Variants in ZNF263 observed in about 807,000 individuals in gnomAD.
The protein encoded by ZNF263 is zinc finger protein 263.
A neutral mutation model predicts 63.1 loss-of-function variants in ZNF263; 49 were observed. The observed-to-expected ratio is 0.78, with a 90% CI of 0.62 to 0.99. The LOEUF (loss-of-function observed/expected upper bound fraction) is 0.99. Ranked by LOEUF, ZNF263 falls within the 50% of genes least tolerant of loss-of-function variation. ZNF263 has a pLI of 0.00. For synonymous variants in ZNF263, 352 were observed against 324.2 expected, an observed-to-expected ratio of 1.09 and a Z score of -0.92; for missense variants, 872 against 854.8, an observed-to-expected ratio of 1.02 and a Z score of -0.25.
At chr16:3,300,298 G>A (rs780312624) in intron 2 of ZNF263, 5 of 1,614,192 alleles carry the variant, frequency 3.1e-6, no homozygotes, top group Non-Finnish European at 4.2e-6. Context: ...TCTCTCTGCA[G>A]CAGCCTGAAG....
chr16:3,297,768 A>G, intron 1 of ZNF263, among the ~76,000 whole-genome samples: 1 of 152,084 alleles, frequency 6.6e-6, no homozygotes, highest in East Asian at 1.9e-4. Context: ...CCGGCCAGAA[A>G]CAGATTCTTG....
chr16:3,290,794 G>C lies in ZNF263; in HGVS notation c.*236G>C. On this transcript the variant is annotated 3_prime_UTR_variant, in exon 6 of 6. Coordinates refer to ENST00000219069, the MANE Select transcript of ZNF263 (RefSeq NM_005741.5). ...AGGTGACCTCAGGGTGGAATTCTCT[G>C]TTAAGTCCACCCTGCCCCAGGGTGC... 7.6e-7 allele frequency: 1 copy of C among 1,317,918 alleles called. No individual in the cohort carries two copies. Among genetic ancestry groups the C allele is most frequent in the South Asian group, 2.0e-5 (1 of 50,242 alleles). 81.6% of individuals were successfully genotyped at this position (1,317,918 alleles called of 1,614,324 possible).
chr16:3,288,397 C>T (rs1959461612), intron 4 of ZNF263, 57 bp from the exon 5 acceptor site: 1 of 1,312,004 alleles, frequency 7.6e-7, no homozygotes. Context: ...AGACTGTTTC[C>T]CTACCCTGGT....
At chr16:3,297,167 C>T (rs1237235288) in intron 1 of ZNF263, among the ~76,000 whole-genome samples, 2 of 151,644 alleles carry the variant, frequency 1.3e-5, no homozygotes, top group African/African-American at 2.4e-5. Flanking sequence ...TGTGGTGGCA[C>T]GCGCCTGTAA....
chr16:3,290,131 G>C lies in ZNF263; in HGVS notation c.1625G>C (p.Arg542Thr), dbSNP rs758339410. 35 of 1,614,194 alleles carry C rather than the reference G, an allele frequency of 2.2e-5. No individual in the cohort carries two copies. The highest frequency in any genetic ancestry group is 3.3e-4 in the Middle Eastern group (2 of 6,060). Residue 542 changes from arginine to threonine, a missense_variant, in exon 6 of 6, where the codon AGA becomes ACA. By Grantham distance (71) the Arg-to-Thr change is moderately conservative (BLOSUM62 -1). Coordinates refer to ENST00000219069, the MANE Select transcript of ZNF263 (RefSeq NM_005741.5). ...HLVIHERTHE[R>T]ERLYPFSECG... Reference sequence around the variant, plus strand: ...GTCATTCACGAAAGAACTCATGAGAGAGAGAGACTTTACCCCTTCTCTGAG... The same window carrying C: ...GTCATTCACGAAAGAACTCATGAGACAGAGAGACTTTACCCCTTCTCTGAG...
intron 5 of ZNF263, 121 bp downstream of exon 5, chr16:3,288,691 G>GC: frequency 1.6e-6 from 1 of 632,502 alleles, no homozygotes; most frequent in Non-Finnish European, 2.7e-6. Flanking sequence ...TGTTGCCCAG[G>GC]CTGGAGTGCA....
In ZNF263 at chr16:3,284,136, G is replaced by C. The variant is rs145142755; in HGVS notation, c.318G>C (p.Pro106=). Residue 106 remains proline (P), a synonymous_variant, in exon 1 of 6, where the codon CCG becomes CCC. Coordinates refer to ENST00000219069, the MANE Select transcript of ZNF263 (RefSeq NM_005741.5). The part of the protein sequence containing the change: ...EIQSRVQELH[P]ESGEEAVTLV... Reference sequence around the variant, plus strand: ...AGAGCAGGGTGCAGGAGCTGCATCCGGAGAGCGGCGAAGAAGCGGTGACCC... The same window carrying C: ...AGAGCAGGGTGCAGGAGCTGCATCCCGAGAGCGGCGAAGAAGCGGTGACCC... The C allele has an allele frequency of 6.2e-7, 1 of 1,604,020 alleles. No individual in the cohort carries two copies. Among genetic ancestry groups the C allele is most frequent in the Non-Finnish European group, 8.5e-7 (1 of 1,174,280 alleles).
In ZNF263 at chr16:3,289,712, T is replaced by C. The variant is rs561763622; in HGVS notation, c.1206T>C (p.Ala402=). The change falls in exon 6 of 6, where the codon GCT becomes GCC. Residue 402 remains alanine (A), a synonymous_variant. Transcript: ENST00000219069. The stretch of plus-strand genomic sequence containing the variant: ...TTAGGCACCAGAGAATACATGCAGC[T>C]GAAAGACTGTGTATGGGTGTGGACT... The part of the protein sequence containing the change: ...NLIRHQRIHA[A]ERLCMGVDCT... 5.7e-5 allele frequency: 92 copies of C among 1,614,066 alleles called. No homozygotes were observed. In the South Asian group the frequency reaches 9.9e-4, roughly 17 times the overall value.
downstream of ZNF263, chr16:3,293,026 G>C (rs1959653228): frequency 6.6e-6 from 1 of 152,224 alleles, no homozygotes; most frequent in African/African-American, 2.4e-5. Context: ...TCCTTCCCTT[G>C]TACTCATGTT....
chr16:3,287,503 G>C (rs1959421095), intron 4 of ZNF263, among the ~76,000 whole-genome samples: 1 of 150,872 alleles, frequency 6.6e-6, no homozygotes, highest in South Asian at 2.1e-4. Context: ...CCTTAGTCAG[G>C]AAGTGTGCCA....
At position 3,290,941 on chromosome 16, in the gene ZNF263, C is replaced by G. The variant is rs1026946874; in HGVS notation, c.*383C>G. 9 of 1,005,524 alleles carry G rather than the reference C, an allele frequency of 9.0e-6. No individual in the cohort carries two copies. The highest frequency in any genetic ancestry group is 3.5e-5 in the African/African-American group (2 of 57,598). 62.3% of individuals were successfully genotyped at this position (1,005,524 alleles called of 1,614,324 possible). ...ATACTTCTTCCTCATTTGGGACATTCAGTAGGAGCATTTGGGCTTCCGGGG... is the reference window on the plus strand; with the variant it reads ...ATACTTCTTCCTCATTTGGGACATTGAGTAGGAGCATTTGGGCTTCCGGGG... On this transcript the variant is annotated 3_prime_UTR_variant, in exon 6 of 6. Transcript: ENST00000219069.
At chr16:3,297,910 T>C (rs968609817) in intron 1 of ZNF263, among the ~76,000 whole-genome samples, 6 of 152,246 alleles carry the variant, frequency 3.9e-5, no homozygotes, top group African/African-American at 1.4e-4. Flanking sequence ...GATACCATTC[T>C]TTTGGTTACA....
rs111498047 is a variant in ZNF263 at position 3,300,848 on chromosome 16, T to C, written c.*47-65T>C. On this transcript the variant is annotated intron_variant, in intron 2 of 2. Coordinates refer to the ZNF263 transcript ENST00000574674. ...CCAGTTGCAAAGTCCTGTCTGGCTC[T>C]TGCTCCTGCAAGCCATGAGTGATCA... The C allele has an allele frequency of 7.7e-3, 4,056 of 526,370 alleles. 156 individuals are homozygous for C. The highest frequency in any genetic ancestry group is 0.071 in the African/African-American group (3,603 of 50,420). The allele number at this position is 526,370 out of a possible 1,614,324, so 32.6% of individuals were successfully genotyped here.
rs1488830047 is a variant in ZNF263, at chr16:3,288,546, C to T, written c.862C>T (p.Leu288=). 1 of 1,611,704 alleles carries T rather than the reference C, an allele frequency of 6.2e-7. No individual in the cohort carries two copies. Among genetic ancestry groups the T allele is most frequent in the Admixed American group, 1.7e-5 (1 of 59,870 alleles). The change falls in exon 5 of 6, where the codon CTG becomes TTG. Residue 288 remains leucine (L), a synonymous_variant. Coordinates refer to ENST00000219069, the MANE Select transcript of ZNF263 (RefSeq NM_005741.5). ...DPSVQSCKEG[L]SPRGPAPGEE... The stretch of plus-strand genomic sequence containing the variant: ...CAGTGTCCAGAGCTGCAAGGAGGGC[C>T]TGAGCCCCAGAGGCCCAGCTCCAGG...
chr16:3,287,308 C>T (rs1415199555), intron 4 of ZNF263, among the ~76,000 whole-genome samples: 4 of 151,760 alleles, frequency 2.6e-5, no homozygotes, highest in Non-Finnish European at 5.9e-5. Context: ...GACAGGATTT[C>T]TCCATGTAGG....
chr16:3,294,118 G>A (rs1959685588), downstream of ZNF263, among the ~76,000 whole-genome samples: 1 of 152,162 alleles, frequency 6.6e-6, no homozygotes, highest in Admixed American at 6.5e-5. Flanking sequence ...GTAGAGACCG[G>A]GTTTCACCAT....
intron 1 of ZNF263, among the ~76,000 whole-genome samples, chr16:3,297,814 A>G (rs1375569727): frequency 6.6e-6 from 1 of 152,196 alleles, no homozygotes; most frequent in Non-Finnish European, 1.5e-5. Context: ...CTGAAAGCCA[A>G]TAAGAGCTAA....
At chr16:3,286,211 T>C (rs1222575962) in intron 4 of ZNF263, 62 bp downstream of exon 4, 19 of 1,521,324 alleles carry the variant, frequency 1.2e-5, no homozygotes, top group South Asian at 9.6e-5. Flanking sequence ...CTGCCCGTTA[T>C]TCATTCACCT....
intron 2 of ZNF263, chr16:3,299,604 G>A: frequency 6.4e-7 from 1 of 1,559,570 alleles, no homozygotes; most frequent in Non-Finnish European, 8.6e-7. Context: ...GCCGTTTGCA[G>A]CTCAAGATCA....
Sources: allele counts gnomAD v4.1 joint callset (sites outside exome capture counted in the v4.1 genomes callset), GRCh38; gene constraint gnomAD v4.1.1; transcripts MANE v1.5; gene names NCBI Gene and HGNC (gene_info 2026-07-23, HGNC 2026-07-21).